The following CEACAM5 variants were observed in gnomAD, a reference collection of about 807,000 sequenced individuals.
CEACAM5 encodes CEA cell adhesion molecule 5.
A neutral mutation model predicts 63.0 loss-of-function variants in CEACAM5; 52 were observed. The observed-to-expected ratio is 0.83, with a 90% CI of 0.66 to 1.04. CEACAM5 has a LOEUF of 1.04. Ranked by LOEUF, CEACAM5 falls within the 50% of genes least tolerant of loss-of-function variation. The pLI, the probability that CEACAM5 is intolerant of heterozygous loss-of-function variation, is 0.00. For synonymous variants in CEACAM5, 357 were observed against 351.3 expected (o/e 1.02, Z -0.18); for missense variants, 790 against 864.8 (o/e 0.91, Z 1.08).
intron 6 of CEACAM5, among the ~76,000 whole-genome samples, chr19:41,719,404 G>A (rs1345896914): frequency 6.6e-6 from 1 of 152,096 alleles, no homozygotes; most frequent in African/African-American, 2.4e-5. Flanking sequence ...GGGTAGAGCT[G>A]CCCACCTGTG....
At chr19:41,726,741 G>A (rs1555817149) in intron 8 of CEACAM5, among the ~76,000 whole-genome samples, 1 of 152,190 alleles carries the variant, frequency 6.6e-6, no homozygotes. Flanking sequence ...TCACCCATGA[G>A]AGAGAAGCAG....
intron 9 of CEACAM5, among the ~76,000 whole-genome samples, chr19:41,728,710 C>T (rs1568714576): frequency 6.9e-6 from 1 of 144,176 alleles, no homozygotes; most frequent in Admixed American, 7.5e-5. Context: ...TCGCTTGAAC[C>T]CGGGAGGTGG....
intron 9 of CEACAM5, among the ~76,000 whole-genome samples, chr19:41,728,532 C>T (rs1228571198): frequency 8.5e-5 from 13 of 152,114 alleles, no homozygotes; most frequent in Non-Finnish European, 1.0e-4. Flanking sequence ...CGGTGGCTCA[C>T]GCCTATAATC....
At chr19:41,710,193 A>G in intron 2 of CEACAM5, 154 bp downstream of exon 2, 1 of 1,141,592 alleles carries the variant, frequency 8.8e-7, no homozygotes, top group Non-Finnish European at 1.3e-6. Flanking sequence ...AGAAGAGACA[A>G]ACTTCAACAG....
At chr19:41,714,802 C>T (rs1310982351) in intron 2 of CEACAM5, among the ~76,000 whole-genome samples, 169 bp from the exon 3 acceptor site, 1 of 152,210 alleles carries the variant, frequency 6.6e-6, no homozygotes, top group African/African-American at 2.4e-5. Context: ...GCCTCGCAGT[C>T]TCTGAGATCT....
chr19:41,708,891 G>T, intron 1 of CEACAM5, 96 bp downstream of exon 1: 1 of 836,250 alleles, frequency 1.2e-6, no homozygotes, highest in South Asian at 1.7e-5. Context: ...TCCTGTTGGA[G>T]CCTGAATAGG....
At chr19:41,718,676 C>T (rs2072568271) in intron 6 of CEACAM5, among the ~76,000 whole-genome samples, 1 of 152,214 alleles carries the variant, frequency 6.6e-6, no homozygotes, top group African/African-American at 2.4e-5. Flanking sequence ...GAAGGGTCCT[C>T]AAGGTCAAGT....
intron 6 of CEACAM5, among the ~76,000 whole-genome samples, chr19:41,718,862 G>A (rs1259140613): frequency 4.6e-5 from 7 of 152,220 alleles, no homozygotes. Flanking sequence ...TCCCGGCTCC[G>A]CTCCGGGCTC....
intron 4 of CEACAM5, among the ~76,000 whole-genome samples, chr19:41,716,966 C>G (rs1051394359): frequency 1.3e-5 from 2 of 152,192 alleles, no homozygotes; most frequent in Non-Finnish European, 1.5e-5. Context: ...TAGACATGCT[C>G]CTAGTCTCCT....
At position 41,717,680 on chromosome 19, in the gene CEACAM5, T is replaced by C; in HGVS notation, c.1184T>C (p.Ile395Thr). Residue 395 changes from isoleucine (I) to threonine (T), a missense_variant, in exon 5 of 10, where the codon ATC (isoleucine) becomes ACC (threonine). By Grantham distance (89) the Ile-to-Thr change is moderately conservative. Transcript: ENST00000221992. ...RNDVGPYECGIQNELSVDHSD... is the reference protein window; with the variant it reads ...RNDVGPYECGTQNELSVDHSD... ...GATGTAGGACCCTATGAGTGTGGAA[T>C]CCAGAACGAATTAAGTGTTGACCAC... The C allele has an allele frequency of 6.2e-7, 1 of 1,614,218 alleles. No homozygotes were observed. The highest frequency in any genetic ancestry group is 1.3e-5 in the African/African-American group (1 of 75,052).
chr19:41,716,743 T>C (rs1555815101), intron 4 of CEACAM5, among the ~76,000 whole-genome samples: 1 of 152,064 alleles, frequency 6.6e-6, no homozygotes, highest in Admixed American at 6.5e-5. Flanking sequence ...ATACAGATGG[T>C]AACAGTACAT....
chr19:41,729,012 T>C (rs2072738025), intron 9 of CEACAM5, among the ~76,000 whole-genome samples, 172 bp from the exon 10 acceptor site: 1 of 152,150 alleles, frequency 6.6e-6, no homozygotes, highest in South Asian at 2.1e-4. Context: ...TATGAGTATG[T>C]TATTGATGTA....
chr19:41,717,499 G>C lies in CEACAM5; in HGVS notation c.1003G>C (p.Val335Leu). 1 of 1,614,156 alleles carries C rather than the reference G, an allele frequency of 6.2e-7. No homozygotes were observed. The highest frequency in any genetic ancestry group is 8.5e-7 in the Non-Finnish European group (1 of 1,180,010). ...PFITSNNSNPVEDEDAVALTC... is the reference protein window; with the variant it reads ...PFITSNNSNPLEDEDAVALTC... ...CATCACCAGCAACAACTCCAACCCC[G>C]TGGAGGATGAGGATGCTGTAGCCTT... The change falls in exon 5 of 10, where the codon GTG becomes CTG. Residue 335 changes from valine (V) to leucine (L), a missense_variant. Transcript: ENST00000221992.
intron 8 of CEACAM5, among the ~76,000 whole-genome samples, chr19:41,723,154 C>T (rs570856361): frequency 4.2e-4 from 64 of 152,162 alleles, no homozygotes; most frequent in African/African-American, 1.4e-3. Context: ...CCTCGTGATC[C>T]GCCTGCCTTG....
At chr19:41,719,296 A>G (rs782530431) in intron 6 of CEACAM5, among the ~76,000 whole-genome samples, 2 of 152,204 alleles carry the variant, frequency 1.3e-5, no homozygotes, top group Non-Finnish European at 2.9e-5. Context: ...GTTTAGTAGC[A>G]TTAAATATTT....
intron 8 of CEACAM5, among the ~76,000 whole-genome samples, chr19:41,726,712 T>C (rs1031453363): frequency 2.0e-4 from 30 of 152,186 alleles, no homozygotes; most frequent in African/African-American, 6.0e-4. Context: ...ACAAGGCTGG[T>C]GGGGCGTCCT....
chr19:41,713,370 A>G (rs187367794), intron 2 of CEACAM5, among the ~76,000 whole-genome samples: 1 of 152,326 alleles, frequency 6.6e-6, no homozygotes, highest in East Asian at 1.9e-4. Context: ...TGGATTCCGT[A>G]TTTTCAGATT....
At chr19:41,720,811 T>C in intron 7 of CEACAM5, 111 bp from the exon 8 acceptor site, 2 of 1,437,022 alleles carry the variant, frequency 1.4e-6, no homozygotes, top group Non-Finnish European at 1.9e-6. Flanking sequence ...ATTTGGACTT[T>C]TTAACACAGG....
intron 8 of CEACAM5, 37 bp from the exon 9 acceptor site, chr19:41,727,197 C>G: frequency 6.7e-7 from 1 of 1,488,202 alleles, no homozygotes; most frequent in Non-Finnish European, 9.4e-7. Context: ...ACATCACATT[C>G]ATTCCTTCTC....
Sources: allele counts gnomAD v4.1 joint callset (sites outside exome capture counted in the v4.1 genomes callset), GRCh38; gene constraint gnomAD v4.1.1; transcripts MANE v1.5; gene names NCBI Gene and HGNC (gene_info 2026-07-23, HGNC 2026-07-21).